Variants in RORB observed in about 807,000 individuals in gnomAD.
The protein encoded by RORB is nuclear receptor ROR-beta.
RORB carries 6 observed loss-of-function variants against 59.1 expected under a neutral mutation model. The observed-to-expected ratio is 0.10, with a 90% CI of 0.06 to 0.20. RORB has a LOEUF of 0.20. Ranked by LOEUF, RORB falls within the 10% of genes least tolerant of loss-of-function variation. The pLI, the probability that RORB is intolerant of heterozygous loss-of-function variation, is 1.00. For synonymous variants in RORB, 215 were observed against 204.5 expected (o/e 1.05, Z -0.44); for missense variants, 320 against 560.5 (o/e 0.57, Z 4.33).
chr9:74,518,327 C>T lies in RORB; in HGVS notation c.7+20344C>T, dbSNP rs1826038001. Among the ~76,000 whole-genome samples, 7 of 151,968 alleles carry T rather than the reference C, an allele frequency of 4.6e-5. 1 individual carries two copies. In the South Asian group the frequency reaches 1.2e-3, roughly 27 times the overall value. On this transcript the variant is annotated intron_variant, in intron 1 of 9. Transcript: ENST00000376896. ...AAACATTGCAAAGCATGTCTTTCTA[C>T]CGAATGGGCATTTAAAAAATTGCCA...
intron 1 of RORB, among the ~76,000 whole-genome samples, chr9:74,506,541 TG>T (rs1459312965): frequency 6.6e-6 from 1 of 152,128 alleles, no homozygotes; most frequent in Non-Finnish European, 1.5e-5. Context: ...CATTAGCTCT[TG>T]TGAACTTAGT....
chr9:74,614,850 G>C (rs1208692805), intron 1 of RORB, among the ~76,000 whole-genome samples: 1 of 152,110 alleles, frequency 6.6e-6, no homozygotes, highest in African/African-American at 2.4e-5. Context: ...TCCTAGCAAG[G>C]ATCAGAAATT....
At chr9:74,605,060 A>T (rs1431293599) in intron 1 of RORB, among the ~76,000 whole-genome samples, 4 of 152,204 alleles carry the variant, frequency 2.6e-5, no homozygotes, top group African/African-American at 9.6e-5. Context: ...AAGAAGAGAG[A>T]TCACTGTGCA....
At chr9:74,559,756 T>C (rs1419746281) in intron 1 of RORB, among the ~76,000 whole-genome samples, 3 of 152,124 alleles carry the variant, frequency 2.0e-5, no homozygotes, top group Non-Finnish European at 4.4e-5. Flanking sequence ...GATAGCAATA[T>C]TGAAATATTC....
chr9:74,669,773 C>G (rs758980048), intron 8 of RORB, among the ~76,000 whole-genome samples: 27 of 152,072 alleles, frequency 1.8e-4, no homozygotes, highest in Non-Finnish European at 3.2e-4. Context: ...TATATATGCT[C>G]TACTATATTT....
intron 1 of RORB, among the ~76,000 whole-genome samples, chr9:74,559,927 A>T (rs1323834761): frequency 6.6e-6 from 1 of 152,178 alleles, no homozygotes; most frequent in Non-Finnish European, 1.5e-5. Context: ...AAGATCTAAG[A>T]ATTCCACATA....
intron 1 of RORB, among the ~76,000 whole-genome samples, chr9:74,565,762 A>G (rs557247232): frequency 6.6e-6 from 1 of 152,096 alleles, no homozygotes; most frequent in Non-Finnish European, 1.5e-5. Flanking sequence ...AATCTTTTTC[A>G]GGTTATATGT....
At chr9:74,610,678 A>G (rs1467304695) in intron 1 of RORB, among the ~76,000 whole-genome samples, 1 of 152,210 alleles carries the variant, frequency 6.6e-6, no homozygotes, top group East Asian at 1.9e-4. Context: ...CTGAAAATTA[A>G]CTTATCCAGA....
At chr9:74,578,621 T>A (rs1438279245) in intron 1 of RORB, among the ~76,000 whole-genome samples, 1 of 152,154 alleles carries the variant, frequency 6.6e-6, no homozygotes, top group Non-Finnish European at 1.5e-5. Context: ...CTTTAAATTG[T>A]GACATGAAAT....
intron 1 of RORB, among the ~76,000 whole-genome samples, chr9:74,611,833 A>G (rs61645718): frequency 0.033 from 5,091 of 152,158 alleles, 283 homozygotes; most frequent in African/African-American, 0.11. Flanking sequence ...TATTTTTAGT[A>G]GAGACAATGT....
At chr9:74,537,803 A>G (rs1242494339) in intron 1 of RORB, among the ~76,000 whole-genome samples, 1 of 152,130 alleles carries the variant, frequency 6.6e-6, no homozygotes, top group Admixed American at 6.5e-5. Context: ...CCTGAAAAAT[A>G]CCTATCTCCT....
At chr9:74,598,718 C>T (rs558845842) in intron 1 of RORB, among the ~76,000 whole-genome samples, 10 of 147,188 alleles carry the variant, frequency 6.8e-5, no homozygotes, top group Admixed American at 2.8e-4. Flanking sequence ...CTCATTCCTC[C>T]TATCTAATTG....
At chr9:74,612,292 G>A (rs886780187) in intron 1 of RORB, among the ~76,000 whole-genome samples, 1 of 152,104 alleles carries the variant, frequency 6.6e-6, no homozygotes, top group African/African-American at 2.4e-5. Context: ...GAGGCATTTG[G>A]GATGGCTCAG....
At chr9:74,551,694 A>ATAGTT (rs1826611374) in intron 1 of RORB, among the ~76,000 whole-genome samples, 1 of 152,206 alleles carries the variant, frequency 6.6e-6, no homozygotes, top group Non-Finnish European at 1.5e-5. Flanking sequence ...TTAACAGTAG[A>ATAGTT]TAGTTTAGTT....
rs147958260 is a variant in RORB, at chr9:74,568,365, A to T, written c.8-61917A>T. 7.9e-3 allele frequency among the ~76,000 whole-genome samples: 1,201 copies of T among 152,266 alleles called. 46 individuals carry two copies. Among genetic ancestry groups the T allele is most frequent in the Admixed American group, 0.073 (1,123 of 15,284 alleles). The stretch of plus-strand genomic sequence containing the variant: ...ACCTAAAATGATGAAAATTAGCACA[A>T]TAAATATGACTGTGAGAGCAGCAAT... On this transcript the variant is annotated intron_variant, in intron 1 of 9. Transcript: ENST00000376896.
chr9:74,560,567 T>C (rs1216039887), intron 1 of RORB, among the ~76,000 whole-genome samples: 1 of 152,042 alleles, frequency 6.6e-6, no homozygotes, highest in Admixed American at 6.6e-5. Flanking sequence ...GTAGAAACAT[T>C]TGATATCTTT....
At chr9:74,613,565 C>T (rs376029603) in intron 1 of RORB, among the ~76,000 whole-genome samples, 1 of 152,098 alleles carries the variant, frequency 6.6e-6, no homozygotes. Flanking sequence ...GCCTTGGCCC[C>T]CCACCAAACA....
intron 4 of RORB, among the ~76,000 whole-genome samples, chr9:74,644,920 C>T (rs905547334): frequency 6.6e-6 from 1 of 152,174 alleles, no homozygotes; most frequent in African/African-American, 2.4e-5. Flanking sequence ...CATTTTTCCT[C>T]TCTGACCCTG....
chr9:74,499,618 C>T (rs1484952703), intron 1 of RORB, among the ~76,000 whole-genome samples: 4 of 152,198 alleles, frequency 2.6e-5, no homozygotes, highest in African/African-American at 9.6e-5. Context: ...GGGTTGGTTA[C>T]ACGCTCCACT....
Sources: allele counts gnomAD v4.1 joint callset (sites outside exome capture counted in the v4.1 genomes callset), GRCh38; gene constraint gnomAD v4.1.1; transcripts MANE v1.5; gene names NCBI Gene and HGNC (gene_info 2026-07-23, HGNC 2026-07-21).